Variants in TMCC1 observed in about 807,000 individuals in gnomAD.
The protein encoded by TMCC1 is transmembrane and coiled-coil domains protein 1.
In TMCC1, 15 loss-of-function variants were observed where a neutral mutation model predicts 52.4. That is an observed-to-expected ratio of 0.29 (90% CI 0.19 to 0.44). The LOEUF (loss-of-function observed/expected upper bound fraction) is 0.44. TMCC1 is among the 20% of genes least tolerant of loss of function. TMCC1 has a pLI of 1.00. For synonymous variants in TMCC1, 279 were observed against 301.9 expected (o/e 0.92, Z 0.79); for missense variants, 503 against 806.0 (o/e 0.62, Z 4.55).
chr3:129,736,991 A>C (rs182136410), intron 4 of TMCC1, among the ~76,000 whole-genome samples: 159 of 152,208 alleles, frequency 1.0e-3, no homozygotes, highest in African/African-American at 3.4e-3. Context: ...ACATATGCAA[A>C]CCTAAACCAC....
rs572159280 is a variant in TMCC1 at position 129,667,939 on chromosome 3, C to A, written c.1511+2391G>T. ...TGGTGACTCATACCTGTAATCCCAG[C>A]ACTTTGGGAGGCCAAGGAGGGCAGA... is the stretch of plus-strand genomic sequence containing the variant. On this transcript the variant is annotated intron_variant, in intron 5 of 6. Coordinates refer to ENST00000393238, the MANE Select transcript of TMCC1 (RefSeq NM_001017395.5). 2.6e-5 allele frequency among the ~76,000 whole-genome samples: 4 copies of A among 152,282 alleles called. No homozygotes were observed. In the East Asian group the frequency reaches 5.8e-4, roughly 22 times the overall value.
At chr3:129,875,756 G>A (rs2061173139) in intron 2 of TMCC1, among the ~76,000 whole-genome samples, 2 of 152,086 alleles carry the variant, frequency 1.3e-5, no homozygotes, top group Non-Finnish European at 2.9e-5. Flanking sequence ...AATAAGTTAT[G>A]TCTAACCACA....
rs368002289 is a variant in TMCC1, at chr3:129,828,235, A to G, written c.144T>C (p.Ile48=). 6.2e-7 allele frequency: 1 copy of G among 1,614,060 alleles called. No homozygotes were observed. The change falls in exon 4 of 7, where the codon ATT becomes ATC. Residue 48 remains isoleucine (I), a synonymous_variant. Coordinates refer to ENST00000393238, the MANE Select transcript of TMCC1 (RefSeq NM_001017395.5). This position sits in a 1 kb window ranked among gnomAD's most constrained non-coding sequence, Gnocchi z 4.1. The stretch of plus-strand genomic sequence containing the variant: ...GGAAGAGATGCTTCAAGCCTTGGCC[A>G]ATCACGTTAATGTTCTCCAAAGCAT... ...THNALENINV[I]GQGLKHLFQH...
At chr3:129,750,210 G>T (rs768346185) in intron 4 of TMCC1, among the ~76,000 whole-genome samples, 1 of 152,010 alleles carries the variant, frequency 6.6e-6, no homozygotes, top group African/African-American at 2.4e-5. Context: ...CTTATTTTGA[G>T]ACAAAGTTTT....
intron 4 of TMCC1, among the ~76,000 whole-genome samples, chr3:129,754,396 G>A (rs190022337): frequency 3.9e-5 from 6 of 152,136 alleles, no homozygotes; most frequent in Non-Finnish European, 2.9e-5. Context: ...GAAAAGACAA[G>A]GAATTAGAAT....
intron 3 of TMCC1, among the ~76,000 whole-genome samples, chr3:129,831,125 G>A (rs761104303): frequency 2.0e-5 from 3 of 152,018 alleles, no homozygotes; most frequent in South Asian, 2.1e-4. Context: ...AGAGAGATAC[G>A]GTTTCACCAT....
chr3:129,765,904 G>A (rs754774688), intron 4 of TMCC1, among the ~76,000 whole-genome samples: 32 of 152,122 alleles, frequency 2.1e-4, no homozygotes, highest in Non-Finnish European at 3.7e-4. Flanking sequence ...GAGGGAGGGA[G>A]GTACACAGGG....
At chr3:129,730,787 C>T (rs998023380) in intron 4 of TMCC1, among the ~76,000 whole-genome samples, 2 of 152,092 alleles carry the variant, frequency 1.3e-5, no homozygotes, top group Non-Finnish European at 1.5e-5. Flanking sequence ...TTACATGAAG[C>T]GGACCAAATT....
intron 5 of TMCC1, among the ~76,000 whole-genome samples, chr3:129,670,120 T>C (rs1267211609): frequency 6.6e-6 from 1 of 152,218 alleles, no homozygotes; most frequent in Non-Finnish European, 1.5e-5. Flanking sequence ...TTAGAAAGCT[T>C]GGACTTCATT....
intron 5 of TMCC1, among the ~76,000 whole-genome samples, chr3:129,662,556 T>C (rs1027382183): frequency 1.3e-5 from 2 of 152,130 alleles, no homozygotes; most frequent in African/African-American, 4.8e-5. Flanking sequence ...GACAATTGCT[T>C]GAAACCGTGA....
At chr3:129,842,769 A>T (rs1475510333) in intron 2 of TMCC1, among the ~76,000 whole-genome samples, 1 of 152,248 alleles carries the variant, frequency 6.6e-6, no homozygotes, top group African/African-American at 2.4e-5. Flanking sequence ...AAATATGTGG[A>T]TATTAAACAA....
At chr3:129,872,875 T>C (rs945167621) in intron 2 of TMCC1, among the ~76,000 whole-genome samples, 6 of 152,272 alleles carry the variant, frequency 3.9e-5, no homozygotes, top group Non-Finnish European at 5.9e-5. Flanking sequence ...TTATTTACAA[T>C]TGAATGTATC....
At chr3:129,786,139 C>T (rs1395864418) in intron 4 of TMCC1, among the ~76,000 whole-genome samples, 1 of 151,992 alleles carries the variant, frequency 6.6e-6, no homozygotes, top group East Asian at 1.9e-4. Context: ...GGGGTTTTGC[C>T]ACGTTGGCCA....
intron 2 of TMCC1, among the ~76,000 whole-genome samples, chr3:129,869,646 G>C (rs903690170): frequency 3.3e-5 from 5 of 152,132 alleles, no homozygotes; most frequent in Non-Finnish European, 5.9e-5. Flanking sequence ...GTGTGGTATG[G>C]AAAAACCCCC....
intron 4 of TMCC1, among the ~76,000 whole-genome samples, chr3:129,778,179 C>T (rs899891604): frequency 9.2e-5 from 14 of 152,298 alleles, no homozygotes; most frequent in African/African-American, 3.4e-4. Flanking sequence ...AAAACTTAAA[C>T]AAGACATATT....
chr3:129,683,807 A>AATTT (rs2089199221), intron 4 of TMCC1, among the ~76,000 whole-genome samples: 1 of 152,164 alleles, frequency 6.6e-6, no homozygotes, highest in Admixed American at 6.5e-5. Context: ...TTTTAAGAGA[A>AATTT]ATTTATTTAA....
At chr3:129,727,856 A>C (rs192535464) in intron 4 of TMCC1, among the ~76,000 whole-genome samples, 1 of 152,316 alleles carries the variant, frequency 6.6e-6, no homozygotes, top group East Asian at 1.9e-4. Context: ...CAACTATGCA[A>C]ACAGAGACTT....
At chr3:129,872,132 G>A (rs1351097827) in intron 2 of TMCC1, among the ~76,000 whole-genome samples, 2 of 152,218 alleles carry the variant, frequency 1.3e-5, no homozygotes. Context: ...CAGCAAAAGT[G>A]CTAGCCACAG....
chr3:129,653,720 T>C (rs1486451554), intron 6 of TMCC1, among the ~76,000 whole-genome samples: 1 of 152,228 alleles, frequency 6.6e-6, no homozygotes, highest in Non-Finnish European at 1.5e-5. Context: ...CCCCTGGGAT[T>C]ACAGGCGTGC....
Sources: allele counts gnomAD v4.1 joint callset (sites outside exome capture counted in the v4.1 genomes callset), GRCh38; gene constraint gnomAD v4.1.1; non-coding constraint Gnocchi (gnomAD v3.1); transcripts MANE v1.5; gene names NCBI Gene and HGNC (gene_info 2026-07-23, HGNC 2026-07-21).